SNX13: variants seen among roughly 807,000 people sequenced by gnomAD.
The protein encoded by SNX13 is sorting nexin 13, also known as sorting nexin-13.
Under a neutral mutation model 133.6 loss-of-function variants are expected in SNX13, and 45 were observed. That is an observed-to-expected ratio of 0.34 (90% CI 0.27 to 0.43). The LOEUF (loss-of-function observed/expected upper bound fraction) is 0.43, where lower values mean the gene tolerates loss of function less well. SNX13 is among the 20% of genes least tolerant of loss of function. The pLI is 1.00. For missense variants in SNX13, 1,032 were observed against 1,145.1 expected (o/e 0.90, Z 1.43); for synonymous variants, 414 against 373.9 (o/e 1.11, Z -1.24).
At chr7:17,853,458 T>C (rs1791490115) in intron 9 of SNX13, among the ~76,000 whole-genome samples, 1 of 152,120 alleles carries the variant, frequency 6.6e-6, no homozygotes, top group Admixed American at 6.6e-5. Flanking sequence ...ATGCATTACA[T>C]AGAGGGGATC....
chr7:17,887,281 A>G (rs1796114898), intron 5 of SNX13, among the ~76,000 whole-genome samples: 1 of 152,206 alleles, frequency 6.6e-6, no homozygotes, highest in Non-Finnish European at 1.5e-5. Context: ...AACAGTAGAG[A>G]TAGAATTATA....
In SNX13 at chr7:17,940,392, A is replaced by C; in HGVS notation, c.-97T>G. ...TGCTCGGGCCGCCGCCAACGGCGGC[A>C]ACTGCTCCTTCAGTCTTCTCCCGGG... is the stretch of plus-strand genomic sequence containing the variant. On this transcript the variant is annotated 5_prime_UTR_variant, in exon 1 of 26. Coordinates refer to ENST00000428135, the MANE Select transcript of SNX13 (RefSeq NM_015132.5). 1 of 1,380,138 alleles carries C rather than the reference A, an allele frequency of 7.2e-7. No homozygotes were observed. The highest frequency in any genetic ancestry group is 1.0e-6 in the Non-Finnish European group (1 of 994,196). 85.5% of individuals were successfully genotyped at this position (1,380,138 alleles called of 1,614,324 possible). A position where few individuals can be genotyped will look rare whatever the true frequency, so the allele number is the denominator to read the frequency against.
At chr7:17,861,746 G>T (rs1293776017) in intron 9 of SNX13, among the ~76,000 whole-genome samples, 1 of 152,204 alleles carries the variant, frequency 6.6e-6, no homozygotes, top group African/African-American at 2.4e-5. Flanking sequence ...CCAAAGGGAA[G>T]AATCATGAGA....
chr7:17,826,789 A>G (rs939130095), intron 16 of SNX13, among the ~76,000 whole-genome samples: 1 of 152,108 alleles, frequency 6.6e-6, no homozygotes, highest in Non-Finnish European at 1.5e-5. Context: ...AACTTTAAAA[A>G]TGTTTTTGCC....
intron 5 of SNX13, among the ~76,000 whole-genome samples, chr7:17,885,753 G>A (rs1054564769): frequency 6.6e-6 from 1 of 152,202 alleles, no homozygotes. Context: ...GCTTGAACCT[G>A]TGAGGCGGAA....
intron 5 of SNX13, 119 bp downstream of exon 5, chr7:17,890,244 A>G (rs749360518): frequency 4.5e-6 from 4 of 898,364 alleles, no homozygotes; most frequent in Non-Finnish European, 6.3e-6. Context: ...TCCCACAGTA[A>G]TAATCTGCTG....
intron 5 of SNX13, among the ~76,000 whole-genome samples, chr7:17,883,784 T>C (rs1381658551): frequency 6.6e-6 from 1 of 152,044 alleles, no homozygotes; most frequent in African/African-American, 2.4e-5. Context: ...ATCGTTCTCA[T>C]CTCATCACGC....
chr7:17,840,280 A>G (rs567663645), intron 12 of SNX13, among the ~76,000 whole-genome samples: 1 of 152,172 alleles, frequency 6.6e-6, no homozygotes, highest in South Asian at 2.1e-4. Context: ...TACATAAAAC[A>G]TTCAACATTT....
rs1441110122 is a variant in SNX13, at chr7:17,834,872, G to C, written c.1360-7C>G. The C allele has an allele frequency of 2.0e-6, 3 of 1,516,410 alleles. No individual in the cohort carries two copies. Among genetic ancestry groups the C allele is most frequent in the Non-Finnish European group, 2.7e-6 (3 of 1,096,874 alleles). The allele number at this position is 1,516,410 out of a possible 1,614,324, so 93.9% of individuals were successfully genotyped here. Reference sequence around the variant, plus strand: ...CAGTAACTCTTGGAGATGCCTAACAGAGAAAAATAATAGTAATGATCTCTG... The same window carrying C: ...CAGTAACTCTTGGAGATGCCTAACACAGAAAAATAATAGTAATGATCTCTG... On this transcript the variant is annotated splice_region_variant and splice_polypyrimidine_tract_variant and intron_variant, in intron 13 of 25. Transcript: ENST00000428135.
At position 17,940,318 on chromosome 7, in the gene SNX13, G is replaced by A; in HGVS notation, c.-23C>T. 3 of 1,563,998 alleles carry A rather than the reference G, an allele frequency of 1.9e-6. No individual in the cohort carries two copies. The highest frequency in any genetic ancestry group is 1.7e-4 in the Middle Eastern group (1 of 6,012). On this transcript the variant is annotated 5_prime_UTR_variant, in exon 1 of 26. Transcript: ENST00000428135. ...CATTATTACACCCCGGGGAAGTGAG[G>A]TCCTCCCTAGCCTCGCCTCATGGCA...
At chr7:17,854,186 GC>G (rs1219027057) in intron 9 of SNX13, among the ~76,000 whole-genome samples, 2 of 152,240 alleles carry the variant, frequency 1.3e-5, no homozygotes, top group African/African-American at 4.8e-5. Context: ...AGTAAATTAT[GC>G]ATGCAGATGT....
chr7:17,854,987 A>G (rs978727335), intron 9 of SNX13, among the ~76,000 whole-genome samples: 5 of 152,248 alleles, frequency 3.3e-5, no homozygotes, highest in Non-Finnish European at 5.9e-5. Context: ...GAATGCAAAA[A>G]ATAAAAAAAA....
chr7:17,850,989 G>C, intron 9 of SNX13, 25 bp from the exon 10 acceptor site: 1 of 1,581,682 alleles, frequency 6.3e-7, no homozygotes, highest in Non-Finnish European at 8.6e-7. Flanking sequence ...AAGAAAAACA[G>C]GTGGGAGAGG....
rs115454726 is a variant in SNX13, at chr7:17,902,592, G to T, written c.13-5146C>A. ...TCTAATTATTTCCTAAAATGATACA[G>T]GATAAAATTTAGGGTAATTTTCTTC... On this transcript the variant is annotated intron_variant, in intron 1 of 25. Coordinates refer to ENST00000428135, the MANE Select transcript of SNX13 (RefSeq NM_015132.5). Among the ~76,000 whole-genome samples the T allele has an allele frequency of 4.9e-3, 749 of 152,038 alleles. 8 individuals carry two copies. The highest frequency in any genetic ancestry group is 0.017 in the African/African-American group (705 of 41,446).
intron 12 of SNX13, 142 bp from the exon 13 acceptor site, chr7:17,840,142 G>T: frequency 1.6e-6 from 1 of 612,638 alleles, no homozygotes; most frequent in Non-Finnish European, 2.5e-6. Context: ...AAATCCCTGA[G>T]GTGAAAATAT....
intron 1 of SNX13, among the ~76,000 whole-genome samples, chr7:17,919,515 G>A (rs1583783153): frequency 6.6e-6 from 1 of 152,224 alleles, no homozygotes. Context: ...ACCTACCATA[G>A]CCAAAGAAAA....
At chr7:17,800,668 C>T (rs1784515921) in intron 22 of SNX13, among the ~76,000 whole-genome samples, 1 of 151,676 alleles carries the variant, frequency 6.6e-6, no homozygotes, top group South Asian at 2.1e-4. Flanking sequence ...AAACAACTCA[C>T]ATTCAGATTA....
At chr7:17,936,726 C>A (rs1035863850) in intron 1 of SNX13, among the ~76,000 whole-genome samples, 48 of 151,726 alleles carry the variant, frequency 3.2e-4, no homozygotes, top group African/African-American at 1.1e-3. Flanking sequence ...ATTTCATTAT[C>A]TTCTAATGTT....
At chr7:17,881,500 T>C (rs532997614) in intron 5 of SNX13, 54 of 152,324 alleles carry the variant, frequency 3.5e-4, no homozygotes, top group African/African-American at 1.2e-3. Context: ...TGAAAAATCA[T>C]TAAAATAGAA....
Sources: gnomAD v4.1 joint callset for allele counts (sites outside exome capture counted in the v4.1 genomes callset) on GRCh38, gnomAD v4.1.1 for gene constraint, MANE v1.5 for transcripts, NCBI Gene and HGNC (gene_info 2026-07-23, HGNC 2026-07-21) for gene names.